The following NAA35 variants were observed in gnomAD, a reference collection of about 807,000 sequenced individuals.
NAA35 encodes the protein MAK10 homolog, amino-acid N-acetyltransferase subunit.
NAA35 carries 18 observed loss-of-function variants against 101.7 expected under a neutral mutation model. The observed-to-expected ratio is 0.18, with a 90% CI of 0.12 to 0.26. NAA35 has a LOEUF of 0.26. NAA35 is among the 10% of genes least tolerant of loss of function. The pLI, the probability that NAA35 is intolerant of heterozygous loss-of-function variation, is 1.00. For missense variants in NAA35, 601 were observed against 886.8 expected (o/e 0.68, Z 4.09); for synonymous variants, 267 against 273.1 (o/e 0.98, Z 0.22).
At chr9:85,993,602 G>T (rs949167103) in intron 11 of NAA35, among the ~76,000 whole-genome samples, 2 of 152,126 alleles carry the variant, frequency 1.3e-5, no homozygotes, top group Non-Finnish European at 2.9e-5. Context: ...GTAGTTACAT[G>T]GTTGTACATA....
intron 6 of NAA35, among the ~76,000 whole-genome samples, chr9:85,971,950 A>T (rs1274260257): frequency 6.6e-6 from 1 of 151,682 alleles, no homozygotes; most frequent in African/African-American, 2.4e-5. Flanking sequence ...TGATCTCCCT[A>T]GTTTCACTCT....
At chr9:85,952,543 C>T (rs1483655440) in intron 2 of NAA35, among the ~76,000 whole-genome samples, 3 of 152,052 alleles carry the variant, frequency 2.0e-5, no homozygotes, top group Non-Finnish European at 4.4e-5. Flanking sequence ...CCTCGGCCTC[C>T]CAAAGTGCTG....
At chr9:85,945,065 T>A (rs901811468) in intron 2 of NAA35, among the ~76,000 whole-genome samples, 1 of 152,186 alleles carries the variant, frequency 6.6e-6, no homozygotes, top group Non-Finnish European at 1.5e-5. Flanking sequence ...GTGGGAGAGA[T>A]GTTTTGGCTT....
chr9:86,007,318 G>A, intron 13 of NAA35, 40 bp from the exon 14 acceptor site: 1 of 1,382,382 alleles, frequency 7.2e-7, no homozygotes, highest in Non-Finnish European at 1.0e-6. Context: ...TGACAATTCT[G>A]TGCGTGACAC....
At position 85,952,101 on chromosome 9, in the gene NAA35, G is replaced by C. The variant is rs181311587; in HGVS notation, c.125-4259G>C. On this transcript the variant is annotated intron_variant, in intron 2 of 22. Transcript: ENST00000361671. Reference sequence around the variant, plus strand: ...CAGATACGTATTTACCAAAATTTTAGATTTTGCTTGAAAGCTCAAATTTTA... The same window carrying C: ...CAGATACGTATTTACCAAAATTTTACATTTTGCTTGAAAGCTCAAATTTTA... Among the ~76,000 whole-genome samples, 5 of 152,124 alleles carry C rather than the reference G, an allele frequency of 3.3e-5. No individual in the cohort carries two copies. The South Asian group carries it at 1.0e-3, about 31-fold the overall frequency.
At chr9:85,956,292 C>T in intron 2 of NAA35, 68 bp from the exon 3 acceptor site, 2 of 973,928 alleles carry the variant, frequency 2.1e-6, no homozygotes, top group South Asian at 1.6e-5. Context: ...GTGCTAATGT[C>T]TTTTTTTTCT....
rs199963761 is a variant in NAA35, at chr9:85,996,574, C to T, written c.1053C>T (p.Ile351=). The change falls in exon 12 of 23, where the codon ATC becomes ATT. Residue 351 remains isoleucine (I), a synonymous_variant. Coordinates refer to ENST00000361671, the MANE Select transcript of NAA35 (RefSeq NM_024635.4). The stretch of plus-strand genomic sequence containing the variant: ...TGAATTTAACAAATTTACATTGTAT[C>T]CTGGTAAGTACAAATCTCTGTTCCA... ...EVVNLTNLHC[I]LDFFCEFSEQ... The T allele has an allele frequency of 1.8e-5, 28 of 1,562,094 alleles. No homozygotes were observed. The East Asian group carries it at 6.0e-4, about 33-fold the overall frequency.
At chr9:85,969,712 T>G (rs565961046) in intron 6 of NAA35, among the ~76,000 whole-genome samples, 24 of 152,116 alleles carry the variant, frequency 1.6e-4, no homozygotes, top group African/African-American at 5.1e-4. Context: ...ATAAAAAATT[T>G]AGCCAGGCAT....
At chr9:85,942,331 A>C in intron 2 of NAA35, 48 bp downstream of exon 2, 3 of 1,598,722 alleles carry the variant, frequency 1.9e-6, no homozygotes, top group Non-Finnish European at 2.6e-6. Context: ...AAGGGGTAGA[A>C]TGACGATTGT....
rs774385763 is a variant in NAA35, at chr9:85,962,223, G to A, written c.516+43G>A. 53 of 1,586,974 alleles carry A rather than the reference G, an allele frequency of 3.3e-5. 1 individual carries two copies. The highest frequency in any genetic ancestry group is 4.3e-5 in the Non-Finnish European group (50 of 1,165,454). On this transcript the variant is annotated intron_variant, in intron 6 of 22. Transcript: ENST00000361671. ...AAGAAATCCTTGGCCAGGTGCGGTGGCTCATGCCTGTAATCTCAGCAGTTT... is the reference window on the plus strand; with the variant it reads ...AAGAAATCCTTGGCCAGGTGCGGTGACTCATGCCTGTAATCTCAGCAGTTT...
chr9:85,960,128 G>A (rs144138726), intron 5 of NAA35, among the ~76,000 whole-genome samples: 7 of 152,148 alleles, frequency 4.6e-5, no homozygotes, highest in South Asian at 2.1e-4. Flanking sequence ...TACCCTTTTC[G>A]TTCTCAAGTT....
chr9:85,980,131 A>G (rs757839604), intron 11 of NAA35, among the ~76,000 whole-genome samples: 6 of 152,224 alleles, frequency 3.9e-5, no homozygotes, highest in Admixed American at 2.0e-4. Flanking sequence ...ATACAGATGA[A>G]GAAATGCATA....
chr9:85,957,871 G>A (rs1383667299), intron 3 of NAA35, among the ~76,000 whole-genome samples: 6 of 152,034 alleles, frequency 3.9e-5, no homozygotes, highest in Admixed American at 6.6e-5. Context: ...TTATTAAAGC[G>A]TAGATTGCTG....
chr9:85,955,347 TATATATATATA>T lies in NAA35; in HGVS notation c.125-1012_125-1002del, dbSNP rs1400955086. Among the ~76,000 whole-genome samples the T allele has an allele frequency of 3.7e-4, 29 of 77,532 alleles. 2 individuals carry two copies. The highest frequency in any genetic ancestry group is 1.0e-3 in the African/African-American group (17 of 16,998). The allele number at this position is 77,532 out of a possible 152,430, so 50.9% of individuals were successfully genotyped here. Reference sequence around the variant, plus strand: ...ATATACATATATATATATATATATATATATATATATATATTTTTTTTTTTTTTTTTCTTCAG... The same window carrying T: ...ATATACATATATATATATATATATATTATTTTTTTTTTTTTTTTTCTTCAG... On this transcript the variant is annotated intron_variant, in intron 2 of 22. Coordinates refer to ENST00000361671, the MANE Select transcript of NAA35 (RefSeq NM_024635.4).
In NAA35 at chr9:85,966,099, G is replaced by A. The variant is rs180682986; in HGVS notation, c.516+3919G>A. Among the ~76,000 whole-genome samples, 599 of 152,128 alleles carry A rather than the reference G, an allele frequency of 3.9e-3. 2 individuals are homozygous for A. Among genetic ancestry groups the A allele is most frequent in the Non-Finnish European group, 6.5e-3 (441 of 67,996 alleles). On this transcript the variant is annotated intron_variant, in intron 6 of 22. Transcript: ENST00000361671. ...AGACTGCAGATGTGTTCCACCACAC[G>A]TGGCTAATTTTTAATTTTTTTTGTA...
chr9:85,974,542 G>A (rs1174287653), intron 6 of NAA35, among the ~76,000 whole-genome samples: 1 of 152,098 alleles, frequency 6.6e-6, no homozygotes, highest in Non-Finnish European at 1.5e-5. Flanking sequence ...AATCTTAACT[G>A]TGCAAGCAGT....
chr9:85,968,687 T>G (rs1829868822), intron 6 of NAA35, among the ~76,000 whole-genome samples: 1 of 152,162 alleles, frequency 6.6e-6, no homozygotes, highest in South Asian at 2.1e-4. Flanking sequence ...TAACCTAATA[T>G]TCTAACTTCT....
chr9:85,956,440 G>T, intron 3 of NAA35, 47 bp downstream of exon 3: 1 of 1,124,166 alleles, frequency 8.9e-7, no homozygotes, highest in Non-Finnish European at 1.2e-6. Context: ...GTTTCAGTCT[G>T]TTTTTTTTTC....
At chr9:86,020,438 A>G (rs1175585314) in intron 21 of NAA35, among the ~76,000 whole-genome samples, 2 of 152,176 alleles carry the variant, frequency 1.3e-5, no homozygotes, top group African/African-American at 4.8e-5. Flanking sequence ...TTCAGAGTTA[A>G]TTGAAATGAA....
Sources: gnomAD v4.1 joint callset for allele counts (sites outside exome capture counted in the v4.1 genomes callset) on GRCh38, gnomAD v4.1.1 for gene constraint, MANE v1.5 for transcripts, NCBI Gene and HGNC (gene_info 2026-07-23, HGNC 2026-07-21) for gene names.